Variants in CALN1 observed in about 807,000 individuals in gnomAD.
The protein encoded by CALN1 is calneuron 1.
In CALN1, 17 loss-of-function variants were observed where a neutral mutation model predicts 30.6. That is an observed-to-expected ratio of 0.56 (90% CI 0.38 to 0.83). CALN1 has a LOEUF of 0.83. CALN1 is among the 40% of genes least tolerant of loss of function. The probability of loss-of-function intolerance (pLI) is 0.00; values close to 1 mark genes in which losing one functional copy is unlikely to be tolerated. For synonymous variants in CALN1, 156 were observed against 131.4 expected (o/e 1.19, Z -1.28); for missense variants, 291 against 354.9 (o/e 0.82, Z 1.45).
intron 4 of CALN1, among the ~76,000 whole-genome samples, chr7:72,053,457 C>A (rs1802970411): frequency 1.3e-5 from 2 of 152,140 alleles, no homozygotes; most frequent in Non-Finnish European, 2.9e-5. Flanking sequence ...AATGGCAGTT[C>A]TGTTTTTAGC....
intron 3 of CALN1, among the ~76,000 whole-genome samples, chr7:72,138,708 T>C (rs1007777018): frequency 1.3e-5 from 2 of 152,214 alleles, no homozygotes; most frequent in African/African-American, 2.4e-5. Context: ...ACATGAAAAT[T>C]GGTTTCACGA....
At position 72,042,383 on chromosome 7, in the gene CALN1, C is replaced by G. The variant is rs140733441; in HGVS notation, c.389-18614G>C. Among the ~76,000 whole-genome samples the G allele has an allele frequency of 2.6e-4, 40 of 152,268 alleles. No individual in the cohort carries two copies. In the East Asian group the frequency reaches 3.7e-3, roughly 14 times the overall value. On this transcript the variant is annotated intron_variant, in intron 4 of 6. Transcript: ENST00000395275. ...GTGTGGGGCAAAATCTAGAGGAAAC[C>G]AGGCTCAAGATTTCAGAATCCTCTC...
At chr7:72,314,938 A>T (rs1800336010) in intron 2 of CALN1, among the ~76,000 whole-genome samples, 1 of 150,042 alleles carries the variant, frequency 6.7e-6, no homozygotes, top group Non-Finnish European at 1.5e-5. Context: ...ACTTGAGGCC[A>T]GAGTTCAAGA....
intron 3 of CALN1, among the ~76,000 whole-genome samples, chr7:72,242,460 G>A (rs776226927): frequency 6.6e-6 from 1 of 152,036 alleles, no homozygotes; most frequent in Non-Finnish European, 1.5e-5. Flanking sequence ...TTTTGTACAC[G>A]GTTGGGAAAA....
intron 3 of CALN1, among the ~76,000 whole-genome samples, chr7:72,209,105 TTC>T (rs1282699593): frequency 3.4e-4 from 47 of 139,830 alleles, no homozygotes; most frequent in African/African-American, 9.1e-4. Context: ...CTTGTGTCAT[TTC>T]TCTCTTTTTT....
At chr7:72,186,885 CTTTTTT>C (rs34604151) in intron 3 of CALN1, among the ~76,000 whole-genome samples, 5 of 61,326 alleles carry the variant, frequency 8.2e-5, no homozygotes, top group Admixed American at 2.0e-4. Context: ...GAGTGCAGAG[CTTTTTT>C]TTTTTTTTTT....
At chr7:72,466,891 GA>G in the CALN1 span, among the ~76,000 whole-genome samples, 1 of 151,136 alleles carries the variant, frequency 6.6e-6, no homozygotes, top group African/African-American at 2.4e-5. Flanking sequence ...AGAAAGAAAA[GA>G]AAAAGAAAGA....
intron 2 of CALN1, among the ~76,000 whole-genome samples, chr7:72,294,076 C>T (rs113381126): frequency 3.3e-5 from 5 of 152,044 alleles, no homozygotes; most frequent in African/African-American, 9.6e-5. Context: ...CCAGCCTGGG[C>T]GACAGAGCAT....
At chr7:72,336,322 C>A (rs947495206) in intron 2 of CALN1, among the ~76,000 whole-genome samples, 3 of 152,136 alleles carry the variant, frequency 2.0e-5, no homozygotes, top group Non-Finnish European at 4.4e-5. Flanking sequence ...ATCGCCCGGG[C>A]GCCTGCGGGC....
rs11980548 is a variant in CALN1 at position 71,930,003 on chromosome 7, T to A, written c.501+93654A>T. ...AATGATGTCGTATTTGCATATAACC[T>A]ACGCACATGTTCCTGTATACTTTAA... is the stretch of plus-strand genomic sequence containing the variant. On this transcript the variant is annotated intron_variant, in intron 5 of 6. Coordinates refer to ENST00000395275, the MANE Select transcript of CALN1 (RefSeq NM_031468.4). Among the ~76,000 whole-genome samples the A allele has an allele frequency of 6.0e-3, 920 of 152,330 alleles. 13 individuals are homozygous for A. Among genetic ancestry groups the A allele is most frequent in the African/African-American group, 0.022 (894 of 41,578 alleles).
intron 3 of CALN1, among the ~76,000 whole-genome samples, chr7:72,166,156 G>A (rs1352949499): frequency 1.3e-5 from 2 of 152,150 alleles, no homozygotes; most frequent in Non-Finnish European, 2.9e-5. Context: ...AAACAAAGGT[G>A]TCTCAGGAGG....
chr7:72,348,701 C>T (rs1802772092), intron 2 of CALN1, among the ~76,000 whole-genome samples: 1 of 152,176 alleles, frequency 6.6e-6, no homozygotes, highest in Non-Finnish European at 1.5e-5. Context: ...ATATGGATTG[C>T]CCCTTCCTGG....
chr7:72,189,757 G>C (rs180901937), intron 3 of CALN1, among the ~76,000 whole-genome samples: 2 of 124,338 alleles, frequency 1.6e-5, no homozygotes, highest in East Asian at 4.2e-4. Context: ...GACAGCGCCA[G>C]ACTTTGTCTC....
At chr7:71,993,342 TG>T (rs1163391613) in intron 5 of CALN1, among the ~76,000 whole-genome samples, 1 of 152,148 alleles carries the variant, frequency 6.6e-6, no homozygotes, top group Admixed American at 6.5e-5. Context: ...GGTGTGTGCC[TG>T]TAGTCCTAGC....
At chr7:72,186,871 AT>A (rs1790229272) in intron 3 of CALN1, among the ~76,000 whole-genome samples, 2 of 146,482 alleles carry the variant, frequency 1.4e-5, no homozygotes, top group Non-Finnish European at 1.5e-5. Flanking sequence ...TGCAATAAAC[AT>A]ATGAGTGCAG....
chr7:71,986,095 T>G (rs1028473702), intron 5 of CALN1, among the ~76,000 whole-genome samples: 2 of 152,068 alleles, frequency 1.3e-5, no homozygotes, highest in African/African-American at 4.8e-5. Context: ...GCACCTAGGC[T>G]GGAGTGCAGT....
intron 3 of CALN1, among the ~76,000 whole-genome samples, chr7:72,252,206 A>G (rs188060445): frequency 6.6e-6 from 1 of 152,176 alleles, no homozygotes; most frequent in African/African-American, 2.4e-5. Flanking sequence ...TGATTGAGCC[A>G]ACTATCTTGC....
intron 3 of CALN1, among the ~76,000 whole-genome samples, chr7:72,175,204 G>A (rs1789263127): frequency 6.6e-6 from 1 of 151,868 alleles, no homozygotes; most frequent in South Asian, 2.1e-4. Flanking sequence ...CTCCCGAGTA[G>A]CTGAGACTAC....
At chr7:72,070,830 A>G (rs1472870348) in intron 4 of CALN1, among the ~76,000 whole-genome samples, 2 of 152,202 alleles carry the variant, frequency 1.3e-5, no homozygotes, top group Non-Finnish European at 2.9e-5. Flanking sequence ...TCCCCTGTCT[A>G]TAATTCAATT....
Sources: allele counts gnomAD v4.1 joint callset (sites outside exome capture counted in the v4.1 genomes callset), GRCh38; gene constraint gnomAD v4.1.1; transcripts MANE v1.5; gene names NCBI Gene and HGNC (gene_info 2026-07-23, HGNC 2026-07-21).